Variants in DAB1 observed in about 807,000 individuals in gnomAD.
The protein encoded by DAB1 is disabled homolog 1.
Under a neutral mutation model 64.6 loss-of-function variants are expected in DAB1, and 15 were observed. The observed-to-expected ratio is 0.23, with a 90% CI of 0.16 to 0.36. DAB1 has a LOEUF of 0.36. DAB1 is among the 10% of genes least tolerant of loss of function. The pLI, the probability that DAB1 is intolerant of heterozygous loss-of-function variation, is 1.00. For missense variants in DAB1, 596 were observed against 706.7 expected, an observed-to-expected ratio of 0.84 and a Z score of 1.78; for synonymous variants, 235 against 251.9, an observed-to-expected ratio of 0.93 and a Z score of 0.64.
intron 7 of DAB1, among the ~76,000 whole-genome samples, chr1:57,491,528 G>A (rs1171354868): frequency 1.3e-5 from 2 of 152,114 alleles, no homozygotes; most frequent in African/African-American, 4.8e-5. Context: ...TATAATAAAC[G>A]TGCCCAATAC....
chr1:58,519,887 A>G (rs76305853), intron 2 of DAB1, among the ~76,000 whole-genome samples: 1,589 of 152,338 alleles, frequency 0.01, 37 homozygotes, highest in African/African-American at 0.036. Context: ...ACTGAAATTT[A>G]AAACTCAAAT....
At chr1:58,118,814 G>A (rs4912182) in intron 5 of DAB1, among the ~76,000 whole-genome samples, 3,465 of 151,428 alleles carry the variant, frequency 0.023, 116 homozygotes, top group South Asian at 0.1. Flanking sequence ...CACATACCTC[G>A]GAAATAGCAG....
rs78208452 is a variant in DAB1, at chr1:58,119,035, T to C, written n.387+31476A>G. On this transcript the variant is annotated intron_variant and non_coding_transcript_variant, in intron 5 of 20. Transcript: ENST00000485760. The stretch of plus-strand genomic sequence containing the variant: ...TACCATCAAACAGCTAAATTTCTTA[T>C]AACCTTTTATACACTTGTGCAGTAG... Among the ~76,000 whole-genome samples the C allele has an allele frequency of 3.4e-3, 516 of 152,284 alleles. 4 individuals are homozygous for C. Among genetic ancestry groups the C allele is most frequent in the African/African-American group, 0.011 (474 of 41,564 alleles).
At chr1:57,501,707 G>A (rs937167251) in intron 7 of DAB1, among the ~76,000 whole-genome samples, 1 of 152,172 alleles carries the variant, frequency 6.6e-6, no homozygotes, top group African/African-American at 2.4e-5. Flanking sequence ...TATAAAATTA[G>A]TTCTCATTAC....
chr1:57,641,401 T>TTTTTTA, intron 7 of DAB1, among the ~76,000 whole-genome samples: 1 of 146,770 alleles, frequency 6.8e-6, no homozygotes, highest in South Asian at 2.2e-4. Flanking sequence ...TTTTTTTTTT[T>TTTTTTA]GAGACGGAGT....
intron 3 of DAB1, among the ~76,000 whole-genome samples, chr1:58,457,748 G>T (rs1441808100): frequency 6.6e-6 from 1 of 152,140 alleles, no homozygotes; most frequent in Non-Finnish European, 1.5e-5. Context: ...AAAGATGTAG[G>T]AGTCTTCTTT....
chr1:58,467,170 G>A (rs1191866814), intron 3 of DAB1, among the ~76,000 whole-genome samples: 10 of 152,098 alleles, frequency 6.6e-5, no homozygotes, highest in African/African-American at 2.2e-4. Context: ...TGATAATGCC[G>A]AACTCCCCAA....
At chr1:57,362,341 T>C (rs1396527018) in intron 1 of DAB1, among the ~76,000 whole-genome samples, 1 of 106,908 alleles carries the variant, frequency 9.4e-6, no homozygotes, top group Admixed American at 8.8e-5. Context: ...TGTTAGTATT[T>C]ATTACTATTA....
At chr1:57,155,553 G>T (rs886973497) in intron 2 of DAB1, among the ~76,000 whole-genome samples, 1 of 151,592 alleles carries the variant, frequency 6.6e-6, no homozygotes, top group Non-Finnish European at 1.5e-5. Flanking sequence ...TAAATTTTAG[G>T]ATTTTTTTTT....
chr1:57,456,550 A>G (rs74074724), intron 7 of DAB1, among the ~76,000 whole-genome samples: 6,399 of 152,246 alleles, frequency 0.042, 209 homozygotes, highest in East Asian at 0.17. Flanking sequence ...TAATAGCCAG[A>G]GGACTGTGGT....
chr1:57,927,993 C>T (rs1644903875), intron 5 of DAB1, among the ~76,000 whole-genome samples: 1 of 152,170 alleles, frequency 6.6e-6, no homozygotes, highest in Non-Finnish European at 1.5e-5. Context: ...TGAATGCAGA[C>T]ATCTATACAC....
At chr1:58,156,133 A>C (rs780770872) in intron 4 of DAB1, among the ~76,000 whole-genome samples, 4 of 152,224 alleles carry the variant, frequency 2.6e-5, no homozygotes, top group Admixed American at 2.6e-4. Flanking sequence ...TAATACTAAC[A>C]AAGATTTATT....
intron 3 of DAB1, among the ~76,000 whole-genome samples, chr1:58,452,133 C>T (rs1645144342): frequency 6.6e-6 from 1 of 151,844 alleles, no homozygotes; most frequent in African/African-American, 2.4e-5. Flanking sequence ...GGGGTTTCGC[C>T]ACGTTGGTCA....
intron 4 of DAB1, among the ~76,000 whole-genome samples, chr1:58,231,188 G>A (rs1380894704): frequency 1.3e-5 from 2 of 152,232 alleles, no homozygotes; most frequent in Admixed American, 1.3e-4. Context: ...TGAGTCGAGA[G>A]AGTGTGAGTG....
chr1:58,533,654 G>A (rs1192562616), intron 1 of DAB1, among the ~76,000 whole-genome samples: 1 of 152,016 alleles, frequency 6.6e-6, no homozygotes, highest in African/African-American at 2.4e-5. Context: ...AATAATTATA[G>A]AAAGTTTAAA....
chr1:57,605,030 A>C (rs1010137855), intron 7 of DAB1, among the ~76,000 whole-genome samples: 3 of 152,250 alleles, frequency 2.0e-5, no homozygotes, highest in African/African-American at 7.2e-5. Context: ...TAAAGAATAT[A>C]AAACAGGCTA....
At chr1:57,919,849 A>G (rs543815673) in intron 5 of DAB1, among the ~76,000 whole-genome samples, 55 of 152,186 alleles carry the variant, frequency 3.6e-4, no homozygotes, top group Non-Finnish European at 7.2e-4. Flanking sequence ...GGATTTTACA[A>G]AGTAGTTCTG....
intron 6 of DAB1, among the ~76,000 whole-genome samples, chr1:57,773,618 T>C (rs913403595): frequency 4.6e-5 from 7 of 152,062 alleles, no homozygotes; most frequent in African/African-American, 1.7e-4. Flanking sequence ...TATTTTCTTC[T>C]AGGAGCTTTA....
intron 3 of DAB1, among the ~76,000 whole-genome samples, chr1:58,416,528 AC>A (rs907365977): frequency 6.6e-6 from 1 of 152,200 alleles, no homozygotes; most frequent in Non-Finnish European, 1.5e-5. Context: ...AGCTATGAGC[AC>A]TTGAAATGTG....
Sources: allele counts gnomAD v4.1 joint callset (sites outside exome capture counted in the v4.1 genomes callset), GRCh38; gene constraint gnomAD v4.1.1; transcripts MANE v1.5; gene names NCBI Gene and HGNC (gene_info 2026-07-23, HGNC 2026-07-21).